Variants in FAM110B observed in about 807,000 individuals in gnomAD.
FAM110B encodes the protein protein FAM110B.
FAM110B carries 6 observed loss-of-function variants against 20.4 expected under a neutral mutation model. The observed-to-expected ratio is 0.29, with a 90% CI of 0.16 to 0.58. The LOEUF is 0.58. Ranked by LOEUF, FAM110B falls within the 20% of genes least tolerant of loss-of-function variation. The pLI is 0.90. For synonymous variants in FAM110B, 226 were observed against 214.1 expected, an observed-to-expected ratio of 1.06 and a Z score of -0.49; for missense variants, 434 against 498.2, an observed-to-expected ratio of 0.87 and a Z score of 1.23.
At chr8:58,135,780 T>C (rs1803596146) in intron 3 of FAM110B, among the ~76,000 whole-genome samples, 1 of 152,098 alleles carries the variant, frequency 6.6e-6, no homozygotes, top group African/African-American at 2.4e-5. Context: ...CACTCACCAG[T>C]ACTCACCCTC....
chr8:58,022,116 G>T (rs112052824), intron 1 of FAM110B, among the ~76,000 whole-genome samples: 42 of 152,284 alleles, frequency 2.8e-4, no homozygotes, highest in African/African-American at 9.6e-4. Context: ...TAAACACAGT[G>T]ATTTGTATTT....
Position 58,146,428 on chromosome 8 carries a change from G to A in FAM110B, c.198G>A (p.Glu66=). 6.2e-7 allele frequency: 1 copy of A among 1,613,918 alleles called. No individual in the cohort carries two copies. The highest frequency in any genetic ancestry group is 8.5e-7 in the Non-Finnish European group (1 of 1,179,888). The change falls in exon 4 of 4, where the codon GAG becomes GAA. Residue 66 remains glutamate, a synonymous_variant. Transcript: ENST00000519262. The part of the protein sequence containing the change: ...ADKAKYVKSQ[E]VINAKQEPVK... The stretch of plus-strand genomic sequence containing the variant: ...AGGCCAAGTACGTCAAGAGCCAGGA[G>A]GTGATCAACGCCAAGCAGGAGCCCG...
chr8:58,131,608 A>C (rs16923089), intron 3 of FAM110B, among the ~76,000 whole-genome samples: 4,004 of 152,320 alleles, frequency 0.026, 80 homozygotes, highest in South Asian at 0.092. Context: ...TATCTAAGTC[A>C]ACAGTAATTT....
chr8:58,032,487 C>T (rs60240000), intron 2 of FAM110B: 1 of 152,172 alleles, frequency 6.6e-6, no homozygotes, highest in Admixed American at 6.5e-5. Flanking sequence ...ATTATTTTTT[C>T]TCCATGCACA....
intron 3 of FAM110B, among the ~76,000 whole-genome samples, chr8:58,141,742 G>C (rs1037434925): frequency 6.6e-6 from 1 of 152,164 alleles, no homozygotes; most frequent in Non-Finnish European, 1.5e-5. Flanking sequence ...TTTTTAAATC[G>C]GGAGAGTTTG....
chr8:58,053,077 G>A (rs879331416), intron 2 of FAM110B, among the ~76,000 whole-genome samples: 3 of 151,510 alleles, frequency 2.0e-5, no homozygotes, highest in Admixed American at 2.0e-4. Flanking sequence ...GAGCCACCGC[G>A]CCCGGCCGAG....
intron 3 of FAM110B, among the ~76,000 whole-genome samples, chr8:58,088,757 A>G (rs1420458204): frequency 1.3e-5 from 2 of 152,194 alleles, no homozygotes; most frequent in Non-Finnish European, 2.9e-5. Flanking sequence ...ACCAAGTGAT[A>G]TTCTGTCCAA....
intron 3 of FAM110B, among the ~76,000 whole-genome samples, chr8:58,106,492 T>G (rs1265264109): frequency 6.6e-6 from 1 of 152,112 alleles, no homozygotes; most frequent in South Asian, 2.1e-4. Flanking sequence ...GAATCAAGCA[T>G]GTGTAGAAGA....
chr8:58,055,200 G>T (rs1805523822), intron 2 of FAM110B, among the ~76,000 whole-genome samples: 1 of 152,116 alleles, frequency 6.6e-6, no homozygotes, highest in Admixed American at 6.5e-5. Flanking sequence ...TTAGCAGTGG[G>T]GTCAGAGAGC....
chr8:58,048,752 C>T (rs1444957707), intron 2 of FAM110B, among the ~76,000 whole-genome samples: 1 of 152,198 alleles, frequency 6.6e-6, no homozygotes, highest in Admixed American at 6.5e-5. Flanking sequence ...CTGTTATTTC[C>T]AAGCACTCTG....
chr8:58,020,570 G>A (rs934236256), intron 1 of FAM110B, among the ~76,000 whole-genome samples: 14 of 152,148 alleles, frequency 9.2e-5, no homozygotes, highest in Admixed American at 2.6e-4. Context: ...AAACAAGTCC[G>A]TGTTAGTATT....
At chr8:58,100,867 A>T (rs1042514564) in intron 3 of FAM110B, 1 of 152,256 alleles carries the variant, frequency 6.6e-6, no homozygotes, top group African/African-American at 2.4e-5. Context: ...CATAACACAT[A>T]CCATTGCAAT....
intron 2 of FAM110B, among the ~76,000 whole-genome samples, chr8:58,048,724 A>G (rs1805379160): frequency 6.6e-6 from 1 of 152,190 alleles, no homozygotes; most frequent in South Asian, 2.1e-4. Context: ...ACATTCAATC[A>G]GTGCATTCAT....
At chr8:58,038,278 A>G (rs1462716819) in intron 2 of FAM110B, among the ~76,000 whole-genome samples, 1 of 152,140 alleles carries the variant, frequency 6.6e-6, no homozygotes, top group Non-Finnish European at 1.5e-5. Context: ...ACCATTAATG[A>G]CTGTTCTGTT....
chr8:58,111,056 A>G (rs1049169207), intron 3 of FAM110B, among the ~76,000 whole-genome samples: 4 of 152,206 alleles, frequency 2.6e-5, no homozygotes, highest in African/African-American at 9.6e-5. Flanking sequence ...TAATTCATAC[A>G]TTTAATGTTA....
At chr8:58,038,335 A>G (rs745983470) in intron 2 of FAM110B, among the ~76,000 whole-genome samples, 1 of 152,206 alleles carries the variant, frequency 6.6e-6, no homozygotes, top group Non-Finnish European at 1.5e-5. Flanking sequence ...TGGAGTGTTG[A>G]AGACAGAGAT....
intron 3 of FAM110B, among the ~76,000 whole-genome samples, chr8:58,077,782 A>C (rs531905904): frequency 1.3e-5 from 2 of 152,316 alleles, no homozygotes; most frequent in Non-Finnish European, 2.9e-5. Context: ...GAGCTTTATC[A>C]GTACTATTAT....
chr8:58,115,288 A>T (rs1807173438), intron 3 of FAM110B, among the ~76,000 whole-genome samples: 1 of 152,206 alleles, frequency 6.6e-6, no homozygotes, highest in East Asian at 1.9e-4. Context: ...CAGACAACGA[A>T]TTCTATACAC....
At chr8:58,100,673 C>A (rs1465744642) in intron 3 of FAM110B, among the ~76,000 whole-genome samples, 1 of 152,142 alleles carries the variant, frequency 6.6e-6, no homozygotes, top group Non-Finnish European at 1.5e-5. Context: ...TCCAAATTGC[C>A]CCTTTTTATA....
Sources: allele counts gnomAD v4.1 joint callset (sites outside exome capture counted in the v4.1 genomes callset), GRCh38; gene constraint gnomAD v4.1.1; transcripts MANE v1.5; gene names NCBI Gene and HGNC (gene_info 2026-07-23, HGNC 2026-07-21).